CYRIB: variants seen among roughly 807,000 people sequenced by gnomAD.
The protein encoded by CYRIB is CYFIP related Rac1 interactor B, also known as CYFIP-related Rac1 interactor B.
Under a neutral mutation model 44.2 loss-of-function variants are expected in CYRIB, and 8 were observed. The ratio of observed to expected loss-of-function variants is 0.18; its 90% CI spans 0.11 to 0.33. CYRIB has a LOEUF of 0.33. CYRIB is among the 10% of genes least tolerant of loss of function. The pLI is 1.00. For missense variants in CYRIB, 185 were observed against 382.8 expected (o/e 0.48, Z 4.31); for synonymous variants, 131 against 127.2 (o/e 1.03, Z -0.20).
chr8:129,844,696 A>G (rs925475750), intron 11 of CYRIB, among the ~76,000 whole-genome samples: 3 of 152,210 alleles, frequency 2.0e-5, no homozygotes, highest in African/African-American at 4.8e-5. Context: ...CAAAACAAAC[A>G]TATACATACA....
At chr8:129,960,737 G>A (rs890675571) in intron 2 of CYRIB, among the ~76,000 whole-genome samples, 1 of 150,224 alleles carries the variant, frequency 6.7e-6, no homozygotes, top group Non-Finnish European at 1.5e-5. Context: ...GGATCACAAG[G>A]TCAGGAGTTC....
intron 2 of CYRIB, among the ~76,000 whole-genome samples, chr8:129,955,603 A>G (rs1430405299): frequency 2.0e-5 from 3 of 152,216 alleles, no homozygotes; most frequent in African/African-American, 4.8e-5. Flanking sequence ...ACCTCTTACA[A>G]GCGTTCTACG....
intron 7 of CYRIB, 51 bp from the exon 10 acceptor site, chr8:129,852,329 A>G: frequency 8.5e-7 from 1 of 1,176,802 alleles, no homozygotes; most frequent in South Asian, 1.9e-5. Context: ...TATTACATAT[A>G]ATAACAATTA....
At chr8:129,891,185 C>G (rs1564710027) in intron 2 of CYRIB, among the ~76,000 whole-genome samples, 2 of 152,242 alleles carry the variant, frequency 1.3e-5, no homozygotes, top group African/African-American at 4.8e-5. Context: ...CATCTCTTCT[C>G]TTTTGTTCCC....
chr8:129,856,080 G>A (rs1267586384), intron 5 of CYRIB, among the ~76,000 whole-genome samples: 4 of 152,342 alleles, frequency 2.6e-5, no homozygotes, highest in Admixed American at 1.3e-4. Context: ...TTCACACAGT[G>A]TGGAATTTGG....
At chr8:129,985,756 C>T (rs937604143) in intron 1 of CYRIB, among the ~76,000 whole-genome samples, 1 of 152,180 alleles carries the variant, frequency 6.6e-6, no homozygotes, top group Non-Finnish European at 1.5e-5. Flanking sequence ...CCAGAGCAGT[C>T]GCCCTCCACT....
chr8:129,981,953 G>A (rs191978121), intron 1 of CYRIB, among the ~76,000 whole-genome samples: 4 of 152,300 alleles, frequency 2.6e-5, no homozygotes, highest in East Asian at 3.9e-4. Flanking sequence ...TAGCTTCCCC[G>A]CTGGACTGAG....
At chr8:129,936,377 A>G (rs2092792102) in intron 1 of CYRIB, among the ~76,000 whole-genome samples, 2 of 152,252 alleles carry the variant, frequency 1.3e-5, no homozygotes, top group Admixed American at 1.3e-4. Context: ...CAGAGTTGTT[A>G]TAAAACTAAC....
rs146284915 is a variant in CYRIB, at chr8:129,947,312, G to A, written c.-243+23631C>T. Among the ~76,000 whole-genome samples the A allele has an allele frequency of 3.9e-4, 59 of 151,984 alleles. No individual in the cohort carries two copies. The South Asian group carries it at 7.7e-3, about 20-fold the overall frequency. On this transcript the variant is annotated intron_variant, in intron 2 of 14. Coordinates refer to the CYRIB transcript ENST00000401979. ...TGACTTCAAGTGATCCTCCTGCCTCGGTTTCCAAAAATGTTGGGATTACAG... is the reference window on the plus strand; with the variant it reads ...TGACTTCAAGTGATCCTCCTGCCTCAGTTTCCAAAAATGTTGGGATTACAG...
intron 4 of CYRIB, among the ~76,000 whole-genome samples, chr8:129,864,075 T>C (rs1324646067): frequency 1.3e-5 from 2 of 152,232 alleles, no homozygotes; most frequent in Admixed American, 1.3e-4. Flanking sequence ...CTGAACAAAT[T>C]AGCTGCAAAC....
At chr8:130,006,607 C>CACATATATATGTGTATATATATAT (rs1359122569) in intron 1 of CYRIB, among the ~76,000 whole-genome samples, 2 of 7,136 alleles carry the variant, frequency 2.8e-4, no homozygotes, top group African/African-American at 8.2e-4. Flanking sequence ...TATATATATA[C>CACATATATATGTGTATATATATAT]ATATATATGT....
At chr8:129,983,135 G>C (rs916769555) in intron 1 of CYRIB, among the ~76,000 whole-genome samples, 1 of 151,934 alleles carries the variant, frequency 6.6e-6, no homozygotes. Flanking sequence ...ACTGCAAGAC[G>C]CTCTCTCTAT....
intron 1 of CYRIB, among the ~76,000 whole-genome samples, chr8:129,936,452 G>T (rs1344105226): frequency 6.6e-6 from 1 of 152,084 alleles, no homozygotes; most frequent in African/African-American, 2.4e-5. Flanking sequence ...TAAGAGCCAG[G>T]ATTTAGTGAA....
chr8:129,961,071 G>A (rs1294138888), intron 2 of CYRIB, among the ~76,000 whole-genome samples: 2 of 152,106 alleles, frequency 1.3e-5, no homozygotes, highest in South Asian at 2.1e-4. Flanking sequence ...AGGGTCAAGA[G>A]GAAGCCCATA....
chr8:129,958,930 T>C (rs2131625909), intron 2 of CYRIB, among the ~76,000 whole-genome samples: 1 of 151,736 alleles, frequency 6.6e-6, no homozygotes, highest in African/African-American at 2.4e-5. Flanking sequence ...CCGGCTGTGA[T>C]GGCGGGCGCC....
Position 129,862,348 on chromosome 8 carries a change from AG to A in CYRIB, c.196-15del. The A allele has an allele frequency of 6.3e-7, 1 of 1,591,922 alleles. No homozygotes were observed. Among genetic ancestry groups the A allele is most frequent in the Non-Finnish European group, 8.6e-7 (1 of 1,166,090 alleles). On this transcript the variant is annotated splice_polypyrimidine_tract_variant and intron_variant, in intron 4 of 11. Coordinates refer to ENST00000519824, the Ensembl canonical transcript of CYRIB. The stretch of plus-strand genomic sequence containing the variant: ...ATGCTGGATTGCCTTCAAAATCCAA[AG>A]AATAAAAATAGTTAGAGTTAAAAAA...
chr8:129,849,737 T>G (rs1209299832), intron 9 of CYRIB: 1 of 166,744 alleles, frequency 6.0e-6, no homozygotes, highest in African/African-American at 2.4e-5. Context: ...CTGGTTTCTA[T>G]AATATCTGCA....
chr8:129,902,924 T>C (rs1192237045), intron 2 of CYRIB: 3 of 152,498 alleles, frequency 2.0e-5, no homozygotes, highest in Non-Finnish European at 2.9e-5. Flanking sequence ...ATTCTTAAGA[T>C]TATGTGTAAA....
At chr8:129,885,226 C>T (rs930312292) in intron 2 of CYRIB, among the ~76,000 whole-genome samples, 1 of 152,178 alleles carries the variant, frequency 6.6e-6, no homozygotes, top group East Asian at 1.9e-4. Context: ...TCCTTCAGGG[C>T]TCATCTTAAA....
Sources: allele counts gnomAD v4.1 joint callset (sites outside exome capture counted in the v4.1 genomes callset), GRCh38; gene constraint gnomAD v4.1.1; transcripts MANE v1.5; gene names NCBI Gene and HGNC (gene_info 2026-07-23, HGNC 2026-07-21).